The following MRS2 variants were observed in gnomAD, a reference collection of about 807,000 sequenced individuals.
MRS2 encodes magnesium transporter MRS2 homolog, mitochondrial.
MRS2 carries 40 observed loss-of-function variants against 52.6 expected under a neutral mutation model. That is an observed-to-expected ratio of 0.76 (90% CI 0.59 to 0.99). The LOEUF (loss-of-function observed/expected upper bound fraction) is 0.99, where lower values mean the gene tolerates loss of function less well. Among genes scored for constraint, MRS2 ranks in the 50% least tolerant of loss-of-function variants. The pLI is 0.00. For synonymous variants in MRS2, 193 were observed against 195.9 expected (o/e 0.98, Z 0.13); for missense variants, 472 against 532.7 (o/e 0.89, Z 1.12).
intron 9 of MRS2, among the ~76,000 whole-genome samples, chr6:24,421,136 T>C (rs1055667001): frequency 1.3e-5 from 2 of 152,228 alleles, no homozygotes; most frequent in Non-Finnish European, 2.9e-5. Context: ...ATCATGTTTA[T>C]GTATATATAC....
At chr6:24,422,040 TCA>T (rs1491016515) in intron 9 of MRS2, among the ~76,000 whole-genome samples, 1 of 148,444 alleles carries the variant, frequency 6.7e-6, no homozygotes, top group Non-Finnish European at 1.5e-5. Flanking sequence ...TCCCAGCTAC[TCA>T]GGGGGGCCGA....
chr6:24,415,514 A>C (rs961189930), intron 6 of MRS2, among the ~76,000 whole-genome samples: 14 of 152,248 alleles, frequency 9.2e-5, no homozygotes, highest in African/African-American at 3.4e-4. Context: ...CTTTAAAATC[A>C]TAATGCATTC....
Position 24,405,339 on chromosome 6 carries a change from T to G in MRS2, c.264+98T>G, listed in dbSNP as rs964632927. 8 of 865,508 alleles carry G rather than the reference T, an allele frequency of 9.2e-6. No homozygotes were observed. In the African/African-American group the frequency reaches 1.2e-4, roughly 13 times the overall value. 53.6% of individuals were successfully genotyped at this position (865,508 alleles called of 1,614,324 possible). A position where few individuals can be genotyped will look rare whatever the true frequency, so the allele number is the denominator to read the frequency against. ...GGCCAAGATACTACTTATTTTGAGC[T>G]TTATAATCATCATAGCTACATGTCG... is the stretch of plus-strand genomic sequence containing the variant. On this transcript the variant is annotated intron_variant, in intron 2 of 10. Transcript: ENST00000378386.
At chr6:24,413,874 A>G (rs962064077) in intron 5 of MRS2, among the ~76,000 whole-genome samples, 2 of 152,266 alleles carry the variant, frequency 1.3e-5, no homozygotes, top group African/African-American at 4.8e-5. Flanking sequence ...GTATTTTAAC[A>G]ACTATATAGC....
chr6:24,404,931 A>G (rs1405763996), intron 1 of MRS2, among the ~76,000 whole-genome samples: 1 of 152,268 alleles, frequency 6.6e-6, no homozygotes, highest in Non-Finnish European at 1.5e-5. Flanking sequence ...ATTGGAATCC[A>G]TCAGTTATTT....
intron 7 of MRS2, 126 bp from the exon 8 acceptor site, chr6:24,417,954 GACAA>G (rs1761908212): frequency 2.7e-6 from 1 of 375,050 alleles, no homozygotes; most frequent in South Asian, 4.8e-5. Flanking sequence ...AAAAAAAAAA[GACAA>G]GACAAGACAA....
At chr6:24,418,005 C>T (rs1030325081) in intron 7 of MRS2, 79 bp from the exon 8 acceptor site, 3 of 1,187,580 alleles carry the variant, frequency 2.5e-6, no homozygotes, top group African/African-American at 1.5e-5. Context: ...ATGCTATATA[C>T]TAATTTAGGA....
At position 24,402,971 on chromosome 6, in the gene MRS2, G is replaced by C; in HGVS notation, c.-76G>C. 2 of 1,402,626 alleles carry C rather than the reference G, an allele frequency of 1.4e-6. No individual in the cohort carries two copies. Among genetic ancestry groups the C allele is most frequent in the Non-Finnish European group, 1.9e-6 (2 of 1,044,864 alleles). The allele number at this position is 1,402,626 out of a possible 1,614,324, so 86.9% of individuals were successfully genotyped here. A position where few individuals can be genotyped will look rare whatever the true frequency, so the allele number is the denominator to read the frequency against. Reference sequence around the variant, plus strand: ...CAGGTCGGGCGGTAGCGACAGGTCAGAGCTGCGGCCTGAGCAGCCAGCGTC... The same window carrying C: ...CAGGTCGGGCGGTAGCGACAGGTCACAGCTGCGGCCTGAGCAGCCAGCGTC... On this transcript the variant is annotated 5_prime_UTR_variant, in exon 1 of 11. Transcript: ENST00000378386.
intron 9 of MRS2, among the ~76,000 whole-genome samples, chr6:24,419,834 T>C (rs1761982596): frequency 1.3e-5 from 2 of 152,194 alleles, no homozygotes; most frequent in Non-Finnish European, 2.9e-5. Context: ...CAGTCAACCT[T>C]GCATATCTGC....
rs371159962 is a variant in MRS2 at position 24,416,118 on chromosome 6, T to C, written c.720-279T>C. Among the ~76,000 whole-genome samples, 5 of 152,278 alleles carry C rather than the reference T, an allele frequency of 3.3e-5. 1 individual carries two copies. The highest frequency in any genetic ancestry group is 1.2e-4 in the African/African-American group (5 of 41,534). On this transcript the variant is annotated intron_variant, in intron 6 of 10. Coordinates refer to ENST00000378386, the MANE Select transcript of MRS2 (RefSeq NM_020662.4). ...TCTAAATTTTTTTGTAGAGACAAGA[T>C]CTCACTGTTGTCCAGGAGGGTCTCA... is the stretch of plus-strand genomic sequence containing the variant.
intron 9 of MRS2, among the ~76,000 whole-genome samples, chr6:24,422,041 CAGG>C (rs1762058938): frequency 6.6e-6 from 1 of 152,010 alleles, no homozygotes; most frequent in Non-Finnish European, 1.5e-5. Context: ...CCCAGCTACT[CAGG>C]GGGGCCGAGG....
rs551017560 is a variant in MRS2 at position 24,420,590 on chromosome 6, C to G, written c.1107+2012C>G. Among the ~76,000 whole-genome samples, 6 of 152,152 alleles carry G rather than the reference C, an allele frequency of 3.9e-5. No homozygotes were observed. The East Asian group carries it at 1.2e-3, about 29-fold the overall frequency. ...GTGGAGGAGAGAGTTCATAAACAAA[C>G]AAAGTATGTTAAGTGCTAAGTGCCT... On this transcript the variant is annotated intron_variant, in intron 9 of 10. Transcript: ENST00000378386.
intron 8 of MRS2, 69 bp downstream of exon 8, chr6:24,418,305 T>C: frequency 3.4e-6 from 5 of 1,480,306 alleles, no homozygotes; most frequent in South Asian, 2.8e-5. Context: ...TAAGGAAATA[T>C]TTTGTGAGGA....
In MRS2 at chr6:24,409,485, AAG is replaced by A. The variant is rs1761581885; in HGVS notation, c.329_330del (p.Glu110ValfsTer22). 1.2e-6 allele frequency: 2 copies of A among 1,608,994 alleles called. No homozygotes were observed. Among genetic ancestry groups the A allele is most frequent in the Non-Finnish European group, 1.7e-6 (2 of 1,176,626 alleles). On this transcript the variant is annotated frameshift_variant, in exon 4 of 11. Coordinates refer to ENST00000378386, the MANE Select transcript of MRS2 (RefSeq NM_020662.4). LOFTEE classifies it high-confidence loss of function. ...GAAAGGAAGAAAACTGAATTATACC[AAG>A]AGTTAGGTCTTCAAGCCAGAGATTT...
chr6:24,418,468 A>ATGAGGTTG lies in MRS2; in HGVS notation c.997_998insTGAGGTTG (p.Asn333MetfsTer5). ...AGGTGTTCTCCTCTCCAGCCACCGA[A>ATGAGGTTG]ACGTGATGATGAGGTTGAATCTACA... On this transcript the variant is annotated frameshift_variant, in exon 9 of 11. Transcript: ENST00000378386. LOFTEE classifies it high-confidence loss of function. 6.2e-7 allele frequency: 1 copy of ATGAGGTTG among 1,614,064 alleles called. No individual in the cohort carries two copies.
intron 1 of MRS2, among the ~76,000 whole-genome samples, chr6:24,404,648 T>C (rs1189272087): frequency 2.0e-5 from 3 of 152,204 alleles, no homozygotes; most frequent in Admixed American, 2.0e-4. Flanking sequence ...GTGGGGGTAT[T>C]TCATAAGTAT....
chr6:24,405,774 CTTT>C (rs11406924), intron 2 of MRS2, among the ~76,000 whole-genome samples: 4 of 126,010 alleles, frequency 3.2e-5, no homozygotes, highest in South Asian at 2.6e-4. Flanking sequence ...TCTTTGTAGG[CTTT>C]TTTTTTTTTT....
chr6:24,414,775 A>G (rs1007610486), intron 5 of MRS2, among the ~76,000 whole-genome samples: 11 of 152,260 alleles, frequency 7.2e-5, no homozygotes, highest in African/African-American at 2.6e-4. Context: ...GCCGGGCGGG[A>G]GGAGAAAGAC....
At chr6:24,406,104 CA>C (rs35874058) in intron 2 of MRS2, among the ~76,000 whole-genome samples, 15,934 of 102,964 alleles carry the variant, frequency 0.15, 987 homozygotes, top group East Asian at 0.19. Flanking sequence ...GACTCCATCT[CA>C]AAAAAAAAAA....
Sources: gnomAD v4.1 joint callset for allele counts (sites outside exome capture counted in the v4.1 genomes callset) on GRCh38, gnomAD v4.1.1 for gene constraint, MANE v1.5 for transcripts, NCBI Gene and HGNC (gene_info 2026-07-23, HGNC 2026-07-21) for gene names.